The following WRN variants were observed in gnomAD, a reference collection of about 807,000 sequenced individuals.
WRN encodes WRN RecQ like helicase, also known as bifunctional 3'-5' exonuclease/ATP-dependent helicase WRN.
A neutral mutation model predicts 180.7 loss-of-function variants in WRN; 149 were observed. The ratio of observed to expected loss-of-function variants is 0.82; its 90% confidence interval spans 0.72 to 0.94. WRN has a LOEUF of 0.94. WRN is among the 40% of genes least tolerant of loss of function. The pLI is 0.00. For missense variants in WRN, 1,661 were observed against 1,700.1 expected (o/e 0.98, Z 0.40); for synonymous variants, 548 against 568.9 (o/e 0.96, Z 0.52).
chr8:31,136,755 T>G (rs1280321802), intron 24 of WRN, among the ~76,000 whole-genome samples: 2 of 152,158 alleles, frequency 1.3e-5, no homozygotes, highest in Non-Finnish European at 2.9e-5. Flanking sequence ...GAGGATCGAT[T>G]GAATCTAGGA....
At chr8:31,113,314 C>T (rs1444244640) in intron 19 of WRN, among the ~76,000 whole-genome samples, 2 of 151,916 alleles carry the variant, frequency 1.3e-5, no homozygotes, top group Admixed American at 1.3e-4. Flanking sequence ...TGATGCTAGG[C>T]CAAGAAAATC....
At chr8:31,052,266 T>C (rs1812104548) in intron 1 of WRN, among the ~76,000 whole-genome samples, 1 of 152,218 alleles carries the variant, frequency 6.6e-6, no homozygotes, top group African/African-American at 2.4e-5. Context: ...AGTTGGAATA[T>C]ATAGAAAAGT....
intron 27 of WRN, 79 bp from the exon 28 acceptor site, chr8:31,143,471 G>T (rs2130426255): frequency 1.0e-6 from 1 of 990,240 alleles, no homozygotes; most frequent in East Asian, 2.5e-5. Context: ...GTGATTTTGA[G>T]ATTTTTGTTT....
chr8:31,140,914 C>G (rs191370393), intron 24 of WRN, among the ~76,000 whole-genome samples: 1 of 152,062 alleles, frequency 6.6e-6, no homozygotes, highest in African/African-American at 2.4e-5. Context: ...CGCCACAACA[C>G]CTGGCTAATT....
chr8:31,131,603 A>G (rs1226458155), intron 23 of WRN: 4 of 152,984 alleles, frequency 2.6e-5, no homozygotes, highest in Non-Finnish European at 4.4e-5. Flanking sequence ...CCAAATGTGC[A>G]GATGTGTCTG....
Position 31,120,312 on chromosome 8 carries a change from G to A in WRN, c.2518G>A (p.Gly840Ser), listed in dbSNP as rs758819862. ...KADIRQVIHY[G>S]APKDMESYYQ... ...TGACATTCGCCAAGTCATTCATTAC[G>A]GTGCTCCTAAGGACATGGAATCATA... The change falls in exon 21 of 35, where the codon GGT (glycine) becomes AGT (serine). Residue 840 changes from glycine (G) to serine (S), a missense_variant. This residue lies in a region of WRN where 1,141 missense variants were observed against 1,149.4 expected (regional missense o/e 0.99). Coordinates refer to ENST00000298139, the MANE Select transcript of WRN (RefSeq NM_000553.6). 37 of 1,612,812 alleles carry A rather than the reference G, an allele frequency of 2.3e-5. No individual in the cohort carries two copies. In the African/African-American group the frequency reaches 3.6e-4, roughly 16 times the overall value.
chr8:31,173,768 T>C lies in WRN; in HGVS notation c.*666T>C. On this transcript the variant is annotated 3_prime_UTR_variant, in exon 35 of 35. Transcript: ENST00000298139. ...TTTTTCATACTGAATATTATATATA[T>C]ATTTTTTAGCTTTCATTTACTTAAT... The C allele has an allele frequency of 6.5e-6, 1 of 154,816 alleles. No individual in the cohort carries two copies. Among genetic ancestry groups the C allele is most frequent in the East Asian group, 1.8e-4 (1 of 5,490 alleles). 9.6% of individuals were successfully genotyped at this position (154,816 alleles called of 1,614,324 possible).
chr8:31,060,826 T>C (rs1002845659), intron 3 of WRN, among the ~76,000 whole-genome samples: 1 of 152,176 alleles, frequency 6.6e-6, no homozygotes, highest in Admixed American at 6.5e-5. Context: ...TTTGATGACT[T>C]ATATGTATTT....
chr8:31,124,182 T>C (rs1801830199), intron 21 of WRN, among the ~76,000 whole-genome samples: 1 of 152,098 alleles, frequency 6.6e-6, no homozygotes, highest in African/African-American at 2.4e-5. Context: ...GTAGAAGCAT[T>C]GTTTGAAGCC....
In WRN at chr8:31,124,914, C is replaced by T; in HGVS notation, c.2739C>T (p.Ile913=). The T allele has an allele frequency of 6.2e-7, 1 of 1,612,824 alleles. No homozygotes were observed. Among genetic ancestry groups the T allele is most frequent in the South Asian group, 1.1e-5 (1 of 90,852 alleles). Residue 913 remains isoleucine, a synonymous_variant, in exon 23 of 35, where the codon ATC becomes ATT. Transcript: ENST00000298139. ...LHSSRCRRQI[I]LSHFEDKQVQ... ...AAAATTTTGTCTTGGGTAGAATCAT[C>T]TTGTCTCATTTTGAGGACAAACAAG...
At chr8:31,084,471 T>C (rs1003719384) in intron 10 of WRN, among the ~76,000 whole-genome samples, 1 of 152,246 alleles carries the variant, frequency 6.6e-6, no homozygotes, top group Non-Finnish European at 1.5e-5. Context: ...TTTTATTGCT[T>C]AAATTTTGCA....
intron 8 of WRN, among the ~76,000 whole-genome samples, chr8:31,076,709 C>T (rs1813108317): frequency 1.3e-5 from 2 of 152,062 alleles, no homozygotes; most frequent in Admixed American, 1.3e-4. Flanking sequence ...TGACCAAAAG[C>T]AATGTCATAT....
At chr8:31,141,373 C>T in intron 24 of WRN, 57 bp from the exon 25 acceptor site, 2 of 1,600,704 alleles carry the variant, frequency 1.2e-6, no homozygotes, top group South Asian at 1.1e-5. Flanking sequence ...CTGTGTTTTA[C>T]TTAACCTATA....
At chr8:31,116,331 C>A in intron 19 of WRN, 23 bp from the exon 20 acceptor site, 1 of 1,612,910 alleles carries the variant, frequency 6.2e-7, no homozygotes, top group South Asian at 1.1e-5. Flanking sequence ...TATGTTTGCT[C>A]TTTTGTTCTT....
chr8:31,125,267 GA>G (rs1440267041), intron 23 of WRN, among the ~76,000 whole-genome samples: 1 of 151,256 alleles, frequency 6.6e-6, no homozygotes, highest in Admixed American at 6.6e-5. Flanking sequence ...TAAATTGTAA[GA>G]ATTGGTTTAA....
chr8:31,057,863 T>G (rs1252392556), intron 1 of WRN, among the ~76,000 whole-genome samples: 1 of 152,102 alleles, frequency 6.6e-6, no homozygotes, highest in East Asian at 1.9e-4. Flanking sequence ...TAACAGATTT[T>G]TAAAAAATCC....
At chr8:31,135,689 T>C (rs1220129105) in intron 24 of WRN, among the ~76,000 whole-genome samples, 1 of 152,160 alleles carries the variant, frequency 6.6e-6, no homozygotes, top group African/African-American at 2.4e-5. Flanking sequence ...ATTTGGACAT[T>C]CACTCAGAGA....
intron 24 of WRN, among the ~76,000 whole-genome samples, chr8:31,136,836 CGAATGAATGAATGAAT>C (rs60617461): frequency 1.3e-5 from 2 of 149,442 alleles, no homozygotes; most frequent in Non-Finnish European, 3.0e-5. Flanking sequence ...TACCCTGTCT[CGAATGAATGAATGAAT>C]GAATGAATGA....
At chr8:31,150,507 C>G (rs777733824) in intron 31 of WRN, 52 bp downstream of exon 31, 1 of 1,532,520 alleles carries the variant, frequency 6.5e-7, no homozygotes, top group African/African-American at 1.4e-5. Flanking sequence ...TTTTTTGTAA[C>G]CATTTCAAAA....
Sources: gnomAD v4.1 joint callset for allele counts (sites outside exome capture counted in the v4.1 genomes callset) on GRCh38, gnomAD v4.1.1 for gene constraint, gnomAD v4.1.1 regional missense constraint, MANE v1.5 for transcripts, NCBI Gene and HGNC (gene_info 2026-07-23, HGNC 2026-07-21) for gene names.